Variants in PTPN1 observed in about 807,000 individuals in gnomAD.
PTPN1 encodes tyrosine-protein phosphatase non-receptor type 1.
PTPN1 carries 12 observed loss-of-function variants against 59.9 expected under a neutral mutation model. The ratio of observed to expected loss-of-function variants is 0.20; its 90% CI spans 0.13 to 0.32. The LOEUF is 0.32. Ranked by LOEUF, PTPN1 falls within the 10% of genes least tolerant of loss-of-function variation. PTPN1 has a pLI of 1.00. For synonymous variants in PTPN1, 178 were observed against 203.6 expected (o/e 0.87, Z 1.07); for missense variants, 356 against 549.2 (o/e 0.65, Z 3.52).
At chr20:50,577,777 T>C in intron 5 of PTPN1, 1 of 152,516 alleles carries the variant, frequency 6.6e-6, no homozygotes, top group Non-Finnish European at 1.5e-5. Flanking sequence ...GGAAAATGGA[T>C]GGGAGTGCCT....
At chr20:50,553,602 A>G (rs2122767049) in intron 1 of PTPN1, among the ~76,000 whole-genome samples, 1 of 152,352 alleles carries the variant, frequency 6.6e-6, no homozygotes, top group Admixed American at 6.5e-5. Context: ...GAAACATTCA[A>G]CCGAAAACCA....
At chr20:50,527,080 A>G (rs1394938094) in intron 1 of PTPN1, among the ~76,000 whole-genome samples, 1 of 151,652 alleles carries the variant, frequency 6.6e-6, no homozygotes, top group East Asian at 1.9e-4. Flanking sequence ...TTCCCATCTC[A>G]CCTGTTCAAG....
Position 50,585,030 on chromosome 20 carries a change from A to G in PTPN1, c.*2315A>G, listed in dbSNP as rs1301109901. 1 of 152,138 alleles carries G rather than the reference A, an allele frequency of 6.6e-6. No individual in the cohort carries two copies. Among genetic ancestry groups the G allele is most frequent in the Non-Finnish European group, 1.5e-5 (1 of 68,020 alleles). 9.4% of individuals were successfully genotyped at this position (152,138 alleles called of 1,614,324 possible). ...CGCTTTGCCTGTGTAGGGCCCTCAGATAACTTAACAAACTTACCAGTGTTG... is the reference window on the plus strand; with the variant it reads ...CGCTTTGCCTGTGTAGGGCCCTCAGGTAACTTAACAAACTTACCAGTGTTG... On this transcript the variant is annotated 3_prime_UTR_variant, in exon 10 of 10. Transcript: ENST00000371621.
chr20:50,517,467 C>T (rs1000753833), intron 1 of PTPN1, among the ~76,000 whole-genome samples: 3 of 152,134 alleles, frequency 2.0e-5, no homozygotes, highest in Non-Finnish European at 2.9e-5. Context: ...CTGTGTTGCC[C>T]AGGCTGGTCT....
intron 8 of PTPN1, 80 bp downstream of exon 8, chr20:50,580,006 C>T: frequency 7.6e-7 from 1 of 1,316,332 alleles, no homozygotes; most frequent in Admixed American, 1.9e-5. Context: ...TACTGAAACC[C>T]TGTGGATGCA....
Position 50,582,635 on chromosome 20 carries a change from G to A in PTPN1, c.1285-57G>A, listed in dbSNP as rs2082874598. ...GGGTGTGGCCGGGGTCATGCATGAG[G>A]CGACAGCTCTGCAGGTGCGGGTCTG... On this transcript the variant is annotated intron_variant, in intron 9 of 9. Coordinates refer to ENST00000371621, the MANE Select transcript of PTPN1 (RefSeq NM_002827.4). This position sits in a 1 kb window ranked among gnomAD's most constrained non-coding sequence, Gnocchi z 4.2. The A allele has an allele frequency of 6.3e-7, 1 of 1,597,932 alleles. No individual in the cohort carries two copies. The highest frequency in any genetic ancestry group is 1.3e-5 in the African/African-American group (1 of 74,804).
intron 1 of PTPN1, among the ~76,000 whole-genome samples, chr20:50,551,409 T>C (rs1043135923): frequency 6.6e-6 from 1 of 152,270 alleles, no homozygotes; most frequent in African/African-American, 2.4e-5. Flanking sequence ...TTTTCTCTCA[T>C]GACAATGGTT....
At chr20:50,555,398 A>G (rs1280373153) in intron 1 of PTPN1, among the ~76,000 whole-genome samples, 2 of 152,204 alleles carry the variant, frequency 1.3e-5, no homozygotes, top group African/African-American at 4.8e-5. Context: ...TGGGAGTGGA[A>G]GGTTGAATTG....
At position 50,578,627 on chromosome 20, in the gene PTPN1, C is replaced by T; in HGVS notation, c.700C>T (p.Leu234=). 2.5e-6 allele frequency: 4 copies of T among 1,613,024 alleles called. No homozygotes were observed. Among genetic ancestry groups the T allele is most frequent in the Non-Finnish European group, 3.4e-6 (4 of 1,179,114 alleles). Residue 234 remains leucine, a splice_region_variant and synonymous_variant, in exon 6 of 10, where the codon CTG becomes TTG. Transcript: ENST00000371621. ...TFCLADTCLL[L]MDKRKDPSSV... ...CTGTCTGGCTGATACCTGCCTCTTG[C>T]TGGTAAGGAGGCCCTCGCGGGTGCC...
chr20:50,520,109 C>T (rs754080792), intron 1 of PTPN1, among the ~76,000 whole-genome samples: 6 of 152,156 alleles, frequency 3.9e-5, no homozygotes, highest in Admixed American at 2.6e-4. Context: ...TGGTGGCTCA[C>T]GCCTGTAATC....
At chr20:50,521,450 G>T (rs2082550385) in intron 1 of PTPN1, among the ~76,000 whole-genome samples, 1 of 152,254 alleles carries the variant, frequency 6.6e-6, no homozygotes, top group Non-Finnish European at 1.5e-5. Context: ...GGAGGACAAT[G>T]AGGTCCCAGA....
intron 1 of PTPN1, among the ~76,000 whole-genome samples, chr20:50,558,814 C>G (rs988974293): frequency 8.5e-5 from 13 of 152,242 alleles, no homozygotes; most frequent in Non-Finnish European, 1.3e-4. Context: ...CTTCCCGTGT[C>G]TGTCATGTAG....
intron 1 of PTPN1, among the ~76,000 whole-genome samples, chr20:50,526,485 A>G (rs1439807921): frequency 6.6e-6 from 1 of 152,052 alleles, no homozygotes; most frequent in East Asian, 1.9e-4. Context: ...CCCCTGGCCC[A>G]TGTCAGTGCA....
chr20:50,552,026 A>T (rs1004952264), intron 1 of PTPN1, among the ~76,000 whole-genome samples: 8 of 152,170 alleles, frequency 5.3e-5, no homozygotes, highest in African/African-American at 1.4e-4. Context: ...TTTTGCTTGC[A>T]GTGGAAGGCT....
chr20:50,516,752 G>C (rs2082530923), intron 1 of PTPN1, among the ~76,000 whole-genome samples: 1 of 152,176 alleles, frequency 6.6e-6, no homozygotes, highest in Non-Finnish European at 1.5e-5. Context: ...TAGCAATTGG[G>C]TGGCTTTTCC....
intron 1 of PTPN1, among the ~76,000 whole-genome samples, chr20:50,539,113 G>A (rs953007192): frequency 7.6e-6 from 1 of 131,114 alleles, no homozygotes; most frequent in Non-Finnish European, 1.5e-5. Flanking sequence ...TCGGCTCACC[G>A]CAACCTCCAC....
intron 1 of PTPN1, among the ~76,000 whole-genome samples, chr20:50,559,643 T>C (rs1364500171): frequency 6.7e-6 from 1 of 148,554 alleles, no homozygotes; most frequent in African/African-American, 2.5e-5. Context: ...TATTTTTTTT[T>C]CTTGGTTTAC....
Position 50,569,352 on chromosome 20 carries a change from G to A in PTPN1, c.354+874G>A, listed in dbSNP as rs1225895306. Among the ~76,000 whole-genome samples the A allele has an allele frequency of 2.6e-5, 4 of 152,196 alleles. No individual in the cohort carries two copies. In the South Asian group the frequency reaches 6.2e-4, roughly 24 times the overall value. ...TTTAGTTTCTTACCATGTTCTCTGG[G>A]CCGAGGAGTCCCAGTGCCCACGTTC... is the stretch of plus-strand genomic sequence containing the variant. On this transcript the variant is annotated intron_variant, in intron 4 of 9. Coordinates refer to ENST00000371621, the MANE Select transcript of PTPN1 (RefSeq NM_002827.4).
At chr20:50,537,478 A>T (rs2082629194) in intron 1 of PTPN1, among the ~76,000 whole-genome samples, 1 of 152,208 alleles carries the variant, frequency 6.6e-6, no homozygotes, top group South Asian at 2.1e-4. Context: ...CAGTCTGCTC[A>T]TCTTATTCAT....
Sources: allele counts gnomAD v4.1 joint callset (sites outside exome capture counted in the v4.1 genomes callset), GRCh38; gene constraint gnomAD v4.1.1; non-coding constraint Gnocchi (gnomAD v3.1); transcripts MANE v1.5; gene names NCBI Gene and HGNC (gene_info 2026-07-23, HGNC 2026-07-21).